The following HEATR1 variants were observed in gnomAD, a reference collection of about 807,000 sequenced individuals.
HEATR1 encodes HEAT repeat containing 1.
HEATR1 carries 77 observed loss-of-function variants against 248.2 expected under a neutral mutation model. The ratio of observed to expected loss-of-function variants is 0.31; its 90% CI spans 0.26 to 0.37. The LOEUF (loss-of-function observed/expected upper bound fraction) is 0.37, where lower values mean the gene tolerates loss of function less well. Ranked by LOEUF, HEATR1 falls within the 10% of genes least tolerant of loss-of-function variation. The probability of loss-of-function intolerance (pLI) is 1.00; values close to 1 mark genes in which losing one functional copy is unlikely to be tolerated. For synonymous variants in HEATR1, 897 were observed against 923.1 expected, an observed-to-expected ratio of 0.97 and a Z score of 0.51; for missense variants, 2,420 against 2,504.9, an observed-to-expected ratio of 0.97 and a Z score of 0.72.
Position 236,571,614 on chromosome 1 carries a change from G to A in HEATR1, c.3780C>T (p.Leu1260=). 1.2e-6 allele frequency: 2 copies of A among 1,614,078 alleles called. No individual in the cohort carries two copies. Among genetic ancestry groups the A allele is most frequent in the Non-Finnish European group, 1.7e-6 (2 of 1,179,950 alleles). The part of the protein sequence containing the change: ...YTKQLILSCL[L]NICQKLSPDG... ...CTGGAGATAGTTTTTGGCAGATGTTGAGCAGACAACTAAGAATTAATTGTT... is the reference window on the plus strand; with the variant it reads ...CTGGAGATAGTTTTTGGCAGATGTTAAGCAGACAACTAAGAATTAATTGTT... Residue 1260 remains leucine, a synonymous_variant, in exon 27 of 45, where the codon CTC becomes CTT. Transcript: ENST00000366582.
In HEATR1 at chr1:236,565,903, C is replaced by T. The variant is rs754630962; in HGVS notation, c.4435+16G>A. On this transcript the variant is annotated intron_variant, in intron 31 of 44. Transcript: ENST00000366582. ...CTTTCAGATTGAACAGTAAGTGACA[C>T]CCGATCTACGCTTACCTTCTTTTTC... 17 of 1,608,732 alleles carry T rather than the reference C, an allele frequency of 1.1e-5. No homozygotes were observed. The highest frequency in any genetic ancestry group is 2.2e-5 in the East Asian group (1 of 44,774).
chr1:236,562,131 A>G (rs1206098205), intron 32 of HEATR1, among the ~76,000 whole-genome samples: 1 of 152,178 alleles, frequency 6.6e-6, no homozygotes, highest in African/African-American at 2.4e-5. Context: ...TATCACATTT[A>G]ATCACATTTC....
rs1333364418 is a variant in HEATR1, at chr1:236,587,070, T to C, written c.1715+332A>G. Among the ~76,000 whole-genome samples the C allele has an allele frequency of 2.0e-5, 3 of 152,288 alleles. No individual in the cohort carries two copies. In the East Asian group the frequency reaches 5.8e-4, roughly 29 times the overall value. On this transcript the variant is annotated intron_variant, in intron 14 of 44. Coordinates refer to ENST00000366582, the MANE Select transcript of HEATR1 (RefSeq NM_018072.6). The stretch of plus-strand genomic sequence containing the variant: ...TTAATTTGTTTAACACATTGGTATT[T>C]GTTTTTAATTATAAAGTAAAAATTA...
intron 28 of HEATR1, among the ~76,000 whole-genome samples, chr1:236,570,346 A>G (rs1161105170): frequency 6.6e-6 from 1 of 152,168 alleles, no homozygotes; most frequent in Non-Finnish European, 1.5e-5. Context: ...CCAGACACAG[A>G]GGGCCACATA....
chr1:236,559,988 T>C (rs994331795), intron 33 of HEATR1, 151 bp from the exon 34 acceptor site: 22 of 842,856 alleles, frequency 2.6e-5, no homozygotes, highest in Non-Finnish European at 3.8e-5. Flanking sequence ...AGAAAGGAAA[T>C]GAGGGATTAT....
rs997533575 is a variant in HEATR1, at chr1:236,585,727, T to A, written c.2049+93A>T. ...CCAAGTACTCAAGAATAAAAGAAAT[T>A]TTTTTTAAGAAAAATCTAGTAAAGC... On this transcript the variant is annotated intron_variant, in intron 16 of 44. Transcript: ENST00000366582. The A allele has an allele frequency of 6.5e-5, 87 of 1,339,152 alleles. 1 individual carries two copies. Among genetic ancestry groups the A allele is most frequent in the Middle Eastern group, 2.3e-4 (1 of 4,274 alleles). 83.0% of individuals were successfully genotyped at this position (1,339,152 alleles called of 1,614,324 possible).
At chr1:236,564,364 T>C in intron 32 of HEATR1, 134 bp downstream of exon 32, 2 of 704,164 alleles carry the variant, frequency 2.8e-6, no homozygotes, top group South Asian at 2.0e-5. Flanking sequence ...GAAACGTACT[T>C]TCTTGTTCTA....
intron 34 of HEATR1, 59 bp downstream of exon 34, chr1:236,559,655 T>G: frequency 1.3e-6 from 2 of 1,529,196 alleles, no homozygotes; most frequent in Non-Finnish European, 8.9e-7. Flanking sequence ...TTACATAATT[T>G]CACAATAATT....
At position 236,549,062 on chromosome 1, in the gene HEATR1, T is replaced by C. The variant is rs1045148139; in HGVS notation, c.*1840A>G. ...TAAGGTCAGGATTAGACTTCAGGCA[T>C]TCATAAGGCAGGCACTATCAGAAAG... On this transcript the variant is annotated 3_prime_UTR_variant, in exon 45 of 45. Coordinates refer to ENST00000366582, the MANE Select transcript of HEATR1 (RefSeq NM_018072.6). The C allele has an allele frequency of 7.5e-6, 3 of 398,384 alleles. No homozygotes were observed. The highest frequency in any genetic ancestry group is 6.2e-5 in the African/African-American group (3 of 48,624). The allele number at this position is 398,384 out of a possible 1,614,324, so 24.7% of individuals were successfully genotyped here. A position where few individuals can be genotyped will look rare whatever the true frequency, so the allele number is the denominator to read the frequency against.
chr1:236,590,867 T>C lies in HEATR1; in HGVS notation c.1510A>G (p.Lys504Glu), dbSNP rs1039867640. 2 of 1,512,662 alleles carry C rather than the reference T, an allele frequency of 1.3e-6. No individual in the cohort carries two copies. The highest frequency in any genetic ancestry group is 1.8e-6 in the Non-Finnish European group (2 of 1,122,136). The allele number at this position is 1,512,662 out of a possible 1,614,324, so 93.7% of individuals were successfully genotyped here. A position where few individuals can be genotyped will look rare whatever the true frequency, so the allele number is the denominator to read the frequency against. The change falls in exon 12 of 45, where the codon AAG (lysine) becomes GAG (glutamate). Residue 504 changes from lysine to glutamate, a missense_variant. Coordinates refer to ENST00000366582, the MANE Select transcript of HEATR1 (RefSeq NM_018072.6). ...VRILAMNHLK[K>E]IMKTSKEGVD... ...CAAACCTTTGATGTTTTCATGATCT[T>C]TTTCAAATGATTCATGGCCAGAATT...
Position 236,595,905 on chromosome 1 carries a change from G to C in HEATR1, c.884C>G (p.Ser295Cys). Reference protein sequence around the residue: ...QIIKTLTKIPSLIKDGLSCLI... With the variant: ...QIIKTLTKIPCLIKDGLSCLI... Reference sequence around the variant, plus strand: ...GCAACTTAACCCATCCTTGATCAAAGAGGGAATCTTGGTCAATGTTTTGAT... The same window carrying C: ...GCAACTTAACCCATCCTTGATCAAACAGGGAATCTTGGTCAATGTTTTGAT... Residue 295 changes from serine (S) to cysteine (C), a missense_variant, in exon 7 of 45, where the codon TCT becomes TGT. Transcript: ENST00000366582. 1 of 1,614,042 alleles carries C rather than the reference G, an allele frequency of 6.2e-7. No homozygotes were observed. The highest frequency in any genetic ancestry group is 8.5e-7 in the Non-Finnish European group (1 of 1,179,908).
chr1:236,567,106 G>A (rs1663292660), intron 29 of HEATR1, among the ~76,000 whole-genome samples: 1 of 152,050 alleles, frequency 6.6e-6, no homozygotes, highest in Non-Finnish European at 1.5e-5. Flanking sequence ...TCCTGCCCCA[G>A]CCTCCGAAGA....
At chr1:236,602,357 A>G (rs1487516063) in intron 3 of HEATR1, among the ~76,000 whole-genome samples, 1 of 152,226 alleles carries the variant, frequency 6.6e-6, no homozygotes, top group Non-Finnish European at 1.5e-5. Flanking sequence ...AGTTTTCTCA[A>G]CTGTAAAACA....
At chr1:236,590,249 A>G (rs1426213539) in intron 12 of HEATR1, among the ~76,000 whole-genome samples, 1 of 151,198 alleles carries the variant, frequency 6.6e-6, no homozygotes, top group Admixed American at 6.6e-5. Context: ...TTTTTTTTTG[A>G]AAGAGTCTTG....
At chr1:236,572,387 C>G in intron 26 of HEATR1, 24 bp downstream of exon 26, 1 of 1,612,010 alleles carries the variant, frequency 6.2e-7, no homozygotes, top group Non-Finnish European at 8.5e-7. Flanking sequence ...TATTCTCTCA[C>G]AGATCAAAGC....
At position 236,568,912 on chromosome 1, in the gene HEATR1, TA is replaced by T. The variant is rs372056226; in HGVS notation, c.4077+83del. 3.2e-4 allele frequency: 215 copies of T among 664,390 alleles called. 1 individual carries two copies. Among genetic ancestry groups the T allele is most frequent in the African/African-American group, 2.3e-3 (107 of 46,264 alleles). 41.2% of individuals were successfully genotyped at this position (664,390 alleles called of 1,614,324 possible). On this transcript the variant is annotated intron_variant, in intron 29 of 44. Transcript: ENST00000366582. ...AAAAAAAAAAACAAAAAAAAAAAAC[TA>T]AAAAAAAGGCTTTTAATGTCATTTA... is the stretch of plus-strand genomic sequence containing the variant.
chr1:236,555,241 C>G (rs1056520717), intron 41 of HEATR1, 55 bp downstream of exon 41: 5 of 1,565,312 alleles, frequency 3.2e-6, no homozygotes, highest in East Asian at 4.5e-5. Context: ...CTTACTGGTA[C>G]CTTGTATAAG....
At chr1:236,551,877 AG>A (rs1662763264) in intron 44 of HEATR1, 121 bp downstream of exon 44, 1 of 671,446 alleles carries the variant, frequency 1.5e-6, no homozygotes, top group Admixed American at 2.4e-5. Flanking sequence ...TGCCTGTATG[AG>A]GACTGGATCA....
Position 236,583,025 on chromosome 1 carries a change from A to G in HEATR1, c.2413T>C (p.Ser805Pro). Residue 805 changes from serine (S) to proline (P), a missense_variant, in exon 18 of 45, where the codon TCT (serine) becomes CCT (proline). Physicochemically the swap from Ser to Pro is moderately conservative, Grantham distance 74. Coordinates refer to ENST00000366582, the MANE Select transcript of HEATR1 (RefSeq NM_018072.6). ...GCTTGTATCTTACCTTTAGGAAAAG[A>G]TTTAGGAGCTTTCAGTGCATAAATA... ...KFIYALKAPK[S>P]FPKGDIWWNP... The G allele has an allele frequency of 6.2e-7, 1 of 1,613,950 alleles. No individual in the cohort carries two copies. The highest frequency in any genetic ancestry group is 8.5e-7 in the Non-Finnish European group (1 of 1,179,934).
Sources: gnomAD v4.1 joint callset for allele counts (sites outside exome capture counted in the v4.1 genomes callset) on GRCh38, gnomAD v4.1.1 for gene constraint, MANE v1.5 for transcripts, NCBI Gene and HGNC (gene_info 2026-07-23, HGNC 2026-07-21) for gene names.